The following MAST4 variants were observed in gnomAD, a reference collection of about 807,000 sequenced individuals.
MAST4 encodes microtubule-associated serine/threonine-protein kinase 4.
In MAST4, 89 loss-of-function variants were observed where a neutral mutation model predicts 162.7. The ratio of observed to expected loss-of-function variants is 0.55; its 90% CI spans 0.46 to 0.65. MAST4 has a LOEUF of 0.65. Ranked by LOEUF, MAST4 falls within the 30% of genes least tolerant of loss-of-function variation. The probability of loss-of-function intolerance (pLI) is 0.00; values close to 1 mark genes in which losing one functional copy is unlikely to be tolerated. For synonymous variants in MAST4, 1,479 were observed against 1,361.1 expected, an observed-to-expected ratio of 1.09 and a Z score of -1.91; for missense variants, 3,153 against 3,374.0, an observed-to-expected ratio of 0.93 and a Z score of 1.62.
intron 1 of MAST4, among the ~76,000 whole-genome samples, chr5:66,619,067 C>T (rs1369343649): frequency 6.6e-6 from 1 of 152,196 alleles, no homozygotes; most frequent in East Asian, 1.9e-4. Flanking sequence ...AAGAAATTAG[C>T]AGGTGAAGAG....
intron 1 of MAST4, among the ~76,000 whole-genome samples, chr5:66,704,499 T>TTTTTC (rs1749991157): frequency 7.1e-6 from 1 of 140,678 alleles, no homozygotes; most frequent in Admixed American, 7.1e-5. Flanking sequence ...GTTCTTTTTT[T>TTTTTC]TTTTTTTTTT....
At chr5:66,898,745 T>C (rs544699353) in intron 3 of MAST4, among the ~76,000 whole-genome samples, 9 of 152,366 alleles carry the variant, frequency 5.9e-5, no homozygotes, top group African/African-American at 2.2e-4. Context: ...TGAACAGTTA[T>C]GATTGCTGTA....
At chr5:66,799,455 G>A (rs996274778) in intron 3 of MAST4, among the ~76,000 whole-genome samples, 1 of 152,194 alleles carries the variant, frequency 6.6e-6, no homozygotes, top group Non-Finnish European at 1.5e-5. Flanking sequence ...AAGAGCTCAG[G>A]AAAATGAGCT....
intron 3 of MAST4, among the ~76,000 whole-genome samples, chr5:66,835,371 C>T (rs550000335): frequency 6.6e-6 from 1 of 152,224 alleles, no homozygotes; most frequent in East Asian, 1.9e-4. Context: ...GAGTTTCATG[C>T]TCAGTTGCAA....
intron 4 of MAST4, among the ~76,000 whole-genome samples, chr5:67,030,298 G>A (rs2150427996): frequency 6.6e-6 from 1 of 152,178 alleles, no homozygotes; most frequent in South Asian, 2.1e-4. Flanking sequence ...GTTTTATAGT[G>A]TTACAAGCAA....
chr5:66,798,578 T>G (rs776392245), intron 3 of MAST4, among the ~76,000 whole-genome samples: 91 of 152,336 alleles, frequency 6.0e-4, no homozygotes, highest in Non-Finnish European at 1.1e-3. Context: ...ATGGCGTATG[T>G]TCTAGACAGT....
chr5:67,043,410 A>G lies in MAST4; in HGVS notation c.675-10994A>G, dbSNP rs1029095310. ...ATTTCATAAAAGCAATGCAATTGGGACATGAGGTACAGGAGAAAAAAGTTA... is the reference window on the plus strand; with the variant it reads ...ATTTCATAAAAGCAATGCAATTGGGGCATGAGGTACAGGAGAAAAAAGTTA... On this transcript the variant is annotated intron_variant, in intron 4 of 28. Transcript: ENST00000403625. Among the ~76,000 whole-genome samples the G allele has an allele frequency of 3.3e-5, 5 of 152,230 alleles. No individual in the cohort carries two copies. The South Asian group carries it at 1.0e-3, about 32-fold the overall frequency.
chr5:67,093,618 G>A, intron 6 of MAST4: 1 of 464,852 alleles, frequency 2.2e-6, no homozygotes, highest in Non-Finnish European at 4.4e-6. Flanking sequence ...CTTTCTAGTT[G>A]TGTGTTTTCT....
chr5:66,681,721 T>C (rs1748340069), intron 1 of MAST4, among the ~76,000 whole-genome samples: 1 of 152,194 alleles, frequency 6.6e-6, no homozygotes, highest in Admixed American at 6.5e-5. Flanking sequence ...GATCTGGGTG[T>C]TTTGGAAATG....
At chr5:66,838,937 C>A (rs1384223875) in intron 3 of MAST4, among the ~76,000 whole-genome samples, 2 of 152,112 alleles carry the variant, frequency 1.3e-5, no homozygotes, top group Non-Finnish European at 2.9e-5. Flanking sequence ...AATATTTTAT[C>A]AACTGTGAAC....
chr5:66,803,641 G>A (rs1756031543), intron 3 of MAST4, among the ~76,000 whole-genome samples: 1 of 151,934 alleles, frequency 6.6e-6, no homozygotes, highest in South Asian at 2.1e-4. Flanking sequence ...AACATTTCTA[G>A]CTGCTTGCTA....
At chr5:66,685,641 A>C (rs1234975161) in intron 1 of MAST4, among the ~76,000 whole-genome samples, 1 of 152,210 alleles carries the variant, frequency 6.6e-6, no homozygotes, top group Non-Finnish European at 1.5e-5. Context: ...TAGGTTCACT[A>C]TAAGTTTGTC....
At chr5:66,834,497 A>G (rs1262822070) in intron 3 of MAST4, among the ~76,000 whole-genome samples, 1 of 152,182 alleles carries the variant, frequency 6.6e-6, no homozygotes, top group Non-Finnish European at 1.5e-5. Flanking sequence ...CATGCAGGCC[A>G]GACTCCGGGG....
At chr5:66,849,967 C>T (rs533825351) in intron 3 of MAST4, among the ~76,000 whole-genome samples, 1 of 152,142 alleles carries the variant, frequency 6.6e-6, no homozygotes, top group Non-Finnish European at 1.5e-5. Context: ...TATTACCTCA[C>T]AGGCATGAGG....
chr5:66,883,193 G>A (rs1396666584), intron 3 of MAST4, among the ~76,000 whole-genome samples: 4 of 152,158 alleles, frequency 2.6e-5, no homozygotes, highest in African/African-American at 9.7e-5. Context: ...TATGGATGGG[G>A]TAAGAAGGAA....
In MAST4 at chr5:67,162,676, C is replaced by T. The variant is rs1457329656; in HGVS notation, c.3855C>T (p.Ser1285=). The change falls in exon 28 of 29, where the codon TCC becomes TCT. Residue 1285 remains serine (S), a synonymous_variant. Transcript: ENST00000403625. ...SPLLHTSRSF[S]CLNRSLSSGE... is the part of the protein sequence containing the mutation. ...TACTCCACACCAGCCGAAGTTTCTC[C>T]TGCTTGAACAGATCCCTGTCATCGG... 6.2e-7 allele frequency: 1 copy of T among 1,613,808 alleles called. No homozygotes were observed. The highest frequency in any genetic ancestry group is 1.3e-5 in the African/African-American group (1 of 74,880).
At chr5:66,946,136 G>A (rs1407678660) in intron 4 of MAST4, among the ~76,000 whole-genome samples, 1 of 152,110 alleles carries the variant, frequency 6.6e-6, no homozygotes, top group African/African-American at 2.4e-5. Flanking sequence ...CTCTCAAACT[G>A]AAATTATTGA....
chr5:67,145,309 T>C lies in MAST4; in HGVS notation c.3024T>C (p.Pro1008=), dbSNP rs768511128. The change falls in exon 23 of 29, where the codon CCT becomes CCC. Residue 1008 remains proline (P), a synonymous_variant. Coordinates refer to ENST00000403625, the MANE Select transcript of MAST4 (RefSeq NM_001164664.2). The part of the protein sequence containing the change: ...HEEPGKPALP[P]EECAQEEPEV... ...AGCCAGGAAAGCCAGCCCTTCCTCC[T>C]GAAGAGTGTGCCCAGGAGGAGCCTG... 6.2e-7 allele frequency: 1 copy of C among 1,613,796 alleles called. No homozygotes were observed. Among genetic ancestry groups the C allele is most frequent in the Non-Finnish European group, 8.5e-7 (1 of 1,179,852 alleles).
At chr5:66,612,931 T>C (rs1743388083) in intron 1 of MAST4, among the ~76,000 whole-genome samples, 2 of 152,252 alleles carry the variant, frequency 1.3e-5, no homozygotes, top group African/African-American at 4.8e-5. Flanking sequence ...GGTAATTTTG[T>C]ATCTAATTAA....
Sources: gnomAD v4.1 joint callset for allele counts (sites outside exome capture counted in the v4.1 genomes callset) on GRCh38, gnomAD v4.1.1 for gene constraint, MANE v1.5 for transcripts, NCBI Gene and HGNC (gene_info 2026-07-23, HGNC 2026-07-21) for gene names.